The following ANKRD30BL variants were observed in gnomAD, a reference collection of about 807,000 sequenced individuals.
ANKRD30BL encodes the protein ankyrin repeat domain 30B like, also known as putative ankyrin repeat domain-containing protein 30B-like.
ANKRD30BL carries 20 observed loss-of-function variants against 18.4 expected under a neutral mutation model. That is an observed-to-expected ratio of 1.09 (90% CI 0.77 to 1.58). The LOEUF (loss-of-function observed/expected upper bound fraction) is 1.58. Among genes scored for constraint, ANKRD30BL ranks in the 40% most tolerant of loss-of-function variants. The pLI is 0.00. For missense variants in ANKRD30BL, 224 were observed against 268.6 expected (o/e 0.83, Z 1.16); for synonymous variants, 72 against 100.9 (o/e 0.71, Z 1.72).
At chr2:132,256,924 G>C (rs776976338) in intron 1 of ANKRD30BL, 1 of 479,816 alleles carries the variant, frequency 2.1e-6, no homozygotes, top group Non-Finnish European at 4.2e-6. Context: ...GGGACCGCGA[G>C]GGCAAGGGCA....
At chr2:132,164,125 C>T (rs1688142835), upstream of ANKRD30BL, among the ~76,000 whole-genome samples, 2 of 152,134 alleles carry the variant, frequency 1.3e-5, no homozygotes, top group South Asian at 2.1e-4. Flanking sequence ...CTGTCTAGTT[C>T]CAATATACAT....
intron 1 of ANKRD30BL, among the ~76,000 whole-genome samples, chr2:132,216,964 T>C (rs1347523346): frequency 1.3e-5 from 2 of 152,154 alleles, no homozygotes; most frequent in Non-Finnish European, 2.9e-5. Flanking sequence ...AACTTCTTTG[T>C]GATGTGTGAA....
chr2:132,215,918 C>T (rs953903056), intron 1 of ANKRD30BL, among the ~76,000 whole-genome samples: 2 of 152,020 alleles, frequency 1.3e-5, no homozygotes, highest in African/African-American at 2.4e-5. Flanking sequence ...GTGATGTATG[C>T]ATTAATCTCA....
intron 1 of ANKRD30BL, among the ~76,000 whole-genome samples, chr2:132,200,052 A>C (rs1679064107): frequency 6.6e-6 from 1 of 152,224 alleles, no homozygotes; most frequent in Admixed American, 6.5e-5. Flanking sequence ...ACAGAACCAA[A>C]GACAAAAACC....
intron 1 of ANKRD30BL, among the ~76,000 whole-genome samples, chr2:132,212,625 G>A (rs1255694969): frequency 6.6e-6 from 1 of 150,518 alleles, no homozygotes; most frequent in East Asian, 2.0e-4. Context: ...AGGCCTATGG[G>A]GGAAAACAAT....
intron 1 of ANKRD30BL, among the ~76,000 whole-genome samples, chr2:132,193,327 T>A (rs1361536045): frequency 6.6e-6 from 1 of 151,258 alleles, no homozygotes; most frequent in Non-Finnish European, 1.5e-5. Context: ...AAATCAATAA[T>A]GAGACTCTTA....
At chr2:132,256,374 G>T (rs1316692033) in intron 1 of ANKRD30BL, among the ~76,000 whole-genome samples, 3 of 151,960 alleles carry the variant, frequency 2.0e-5, no homozygotes, top group Non-Finnish European at 4.4e-5. Context: ...AAAACCCCCC[G>T]ACGGGCTCAC....
chr2:132,160,401 C>CATT lies in ANKRD30BL; in HGVS notation c.218+1086_218+1087insAAT, dbSNP rs1553469820. ...CAGGCATGAGCCACGACGCCTGGCCCTTTTTTTTTTTTTTTTTCAAATTTT... is the reference window on the plus strand; with the variant it reads ...CAGGCATGAGCCACGACGCCTGGCCCATTTTTTTTTTTTTTTTTTTCAAATTTT... On this transcript the variant is annotated intron_variant, in intron 1 of 5. Coordinates refer to ENST00000409867, the MANE Select transcript of ANKRD30BL (RefSeq NM_001358416.1). Among the ~76,000 whole-genome samples the CATT allele has an allele frequency of 2.8e-3, 269 of 97,574 alleles. 2 individuals are homozygous for CATT. The highest frequency in any genetic ancestry group is 0.011 in the African/African-American group (253 of 23,080). The allele number at this position is 97,574 out of a possible 152,430, so 64.0% of individuals were successfully genotyped here. A position where few individuals can be genotyped will look rare whatever the true frequency, so the allele number is the denominator to read the frequency against.
chr2:132,179,641 T>C (rs565940731), intron 1 of ANKRD30BL, among the ~76,000 whole-genome samples: 25 of 152,186 alleles, frequency 1.6e-4, no homozygotes, highest in Middle Eastern at 3.4e-3. Context: ...AAAAGAAAAC[T>C]GAACAGTAGA....
At chr2:132,252,693 C>T (rs1023863299) in intron 1 of ANKRD30BL, among the ~76,000 whole-genome samples, 9 of 152,000 alleles carry the variant, frequency 5.9e-5, no homozygotes, top group Non-Finnish European at 1.0e-4. Flanking sequence ...ACCCTCTCCC[C>T]GGTGGACCCT....
intron 1 of ANKRD30BL, among the ~76,000 whole-genome samples, chr2:132,217,364 C>T (rs62165472): frequency 2.6e-5 from 4 of 152,190 alleles, no homozygotes; most frequent in African/African-American, 9.6e-5. Context: ...AGTTTTGAAA[C>T]ACTGTTTTTG....
At chr2:132,256,508 G>T (rs1268759400) in intron 1 of ANKRD30BL, among the ~76,000 whole-genome samples, 1 of 152,228 alleles carries the variant, frequency 6.6e-6, no homozygotes, top group Non-Finnish European at 1.5e-5. Flanking sequence ...TTTGGGCAGC[G>T]AAGGAGAGGC....
chr2:132,253,882 C>G (rs78660293), intron 1 of ANKRD30BL, among the ~76,000 whole-genome samples: 1 of 152,084 alleles, frequency 6.6e-6, no homozygotes, highest in Admixed American at 6.5e-5. Context: ...GCGGGCCGGG[C>G]CGGGCCAGTG....
chr2:132,219,977 A>G (rs1291326637), intron 1 of ANKRD30BL, among the ~76,000 whole-genome samples: 1 of 151,760 alleles, frequency 6.6e-6, no homozygotes, highest in Admixed American at 6.6e-5. Context: ...CTTGAGGCCT[A>G]TGGTGGAAAA....
At chr2:132,235,958 C>T (rs1359835404) in intron 1 of ANKRD30BL, among the ~76,000 whole-genome samples, 1 of 152,034 alleles carries the variant, frequency 6.6e-6, no homozygotes, top group African/African-American at 2.4e-5. Flanking sequence ...GCTACAGTAA[C>T]CAAAACAGCA....
intron 1 of ANKRD30BL, among the ~76,000 whole-genome samples, chr2:132,219,860 A>T (rs1024059169): frequency 3.3e-5 from 5 of 152,022 alleles, no homozygotes; most frequent in Non-Finnish European, 7.4e-5. Flanking sequence ...ATTCTCAGAA[A>T]CTTCTTTGTG....
At chr2:132,245,353 T>C (rs1329774121) in intron 1 of ANKRD30BL, among the ~76,000 whole-genome samples, 1 of 150,520 alleles carries the variant, frequency 6.6e-6, no homozygotes, top group Non-Finnish European at 1.5e-5. Flanking sequence ...ACATTAGCTT[T>C]TATACAGCAG....
At chr2:132,168,206 C>A (rs1456875161) in intron 1 of ANKRD30BL, among the ~76,000 whole-genome samples, 1 of 152,134 alleles carries the variant, frequency 6.6e-6, no homozygotes, top group Non-Finnish European at 1.5e-5. Flanking sequence ...CCCCTAAAAT[C>A]ATATGTTGTT....
At chr2:132,222,235 C>T (rs1679712308) in intron 1 of ANKRD30BL, among the ~76,000 whole-genome samples, 1 of 149,234 alleles carries the variant, frequency 6.7e-6, no homozygotes, top group Non-Finnish European at 1.5e-5. Flanking sequence ...CCCCGCCCGG[C>T]CAGCCGCCCC....
Sources: gnomAD v4.1 joint callset for allele counts (sites outside exome capture counted in the v4.1 genomes callset) on GRCh38, gnomAD v4.1.1 for gene constraint, MANE v1.5 for transcripts, NCBI Gene and HGNC (gene_info 2026-07-23, HGNC 2026-07-21) for gene names.